Variants in XKR4 observed in about 807,000 individuals in gnomAD.
The protein encoded by XKR4 is XK-related protein 4.
A neutral mutation model predicts 53.9 loss-of-function variants in XKR4; 12 were observed. That is an observed-to-expected ratio of 0.22 (90% CI 0.14 to 0.36). The LOEUF (loss-of-function observed/expected upper bound fraction) is 0.36, where lower values mean the gene tolerates loss of function less well. Ranked by LOEUF, XKR4 falls within the 10% of genes least tolerant of loss-of-function variation. The pLI is 1.00. For synonymous variants in XKR4, 354 were observed against 362.4 expected (o/e 0.98, Z 0.26); for missense variants, 799 against 859.5 (o/e 0.93, Z 0.88).
At chr8:55,215,662 G>T (rs747331473) in intron 1 of XKR4, among the ~76,000 whole-genome samples, 1 of 151,940 alleles carries the variant, frequency 6.6e-6, no homozygotes, top group Admixed American at 6.6e-5. Context: ...TTTAATAATC[G>T]TCTTATTTGA....
At chr8:55,452,853 C>G in intron 2 of XKR4, 1 of 771,354 alleles carries the variant, frequency 1.3e-6, no homozygotes. Context: ...AAGCAGGCGG[C>G]TCTTGCTGCT....
At chr8:55,462,900 G>A (rs1208061190) in intron 2 of XKR4, among the ~76,000 whole-genome samples, 1 of 152,062 alleles carries the variant, frequency 6.6e-6, no homozygotes, top group Non-Finnish European at 1.5e-5. Context: ...AATGGTAAAG[G>A]GATCAATTCA....
chr8:55,248,752 A>G (rs1267048419), intron 1 of XKR4, among the ~76,000 whole-genome samples: 1 of 152,040 alleles, frequency 6.6e-6, no homozygotes, highest in Non-Finnish European at 1.5e-5. Context: ...TGTAAGTTAA[A>G]CTTTTTTTTT....
intron 1 of XKR4, among the ~76,000 whole-genome samples, chr8:55,313,544 G>C (rs938632493): frequency 6.6e-6 from 1 of 152,186 alleles, no homozygotes; most frequent in Non-Finnish European, 1.5e-5. Flanking sequence ...TGCTGAGAGA[G>C]AGAGCAGGGT....
chr8:55,104,211 C>G (rs1366427401), intron 1 of XKR4, among the ~76,000 whole-genome samples: 1 of 152,108 alleles, frequency 6.6e-6, no homozygotes, highest in Admixed American at 6.5e-5. Context: ...AAATAGTATG[C>G]TCAGGAATAC....
intron 2 of XKR4, among the ~76,000 whole-genome samples, chr8:55,402,323 C>T (rs1363645719): frequency 6.6e-6 from 1 of 152,188 alleles, no homozygotes; most frequent in Non-Finnish European, 1.5e-5. Flanking sequence ...GCCACCTTCA[C>T]CCATGCAGAC....
intron 2 of XKR4, among the ~76,000 whole-genome samples, chr8:55,478,680 G>A (rs1188177261): frequency 2.6e-5 from 4 of 152,048 alleles, no homozygotes; most frequent in African/African-American, 9.7e-5. Flanking sequence ...ACACACATAG[G>A]CTCAAAATAA....
intron 2 of XKR4, among the ~76,000 whole-genome samples, chr8:55,446,820 A>G (rs1805354518): frequency 6.6e-6 from 1 of 152,222 alleles, no homozygotes; most frequent in Non-Finnish European, 1.5e-5. Flanking sequence ...CAGTTATCCA[A>G]GGAAATAGCC....
At chr8:55,487,221 C>T (rs947181467) in intron 2 of XKR4, among the ~76,000 whole-genome samples, 7 of 152,170 alleles carry the variant, frequency 4.6e-5, no homozygotes, top group African/African-American at 7.2e-5. Flanking sequence ...GTCTGAAGGC[C>T]AGTGAGCCTG....
In XKR4 at chr8:55,364,453, C is replaced by T. The variant is rs747199794; in HGVS notation, c.1006+6576C>T. ...TCTGTAGCGTGTTCTCCCCGATGCC[C>T]CTCAGGACACTGAATATTCATGCCA... On this transcript the variant is annotated intron_variant, in intron 2 of 2. Transcript: ENST00000327381. 1.3e-4 allele frequency among the ~76,000 whole-genome samples: 20 copies of T among 152,292 alleles called. 1 individual carries two copies. Among genetic ancestry groups the T allele is most frequent in the Non-Finnish European group, 2.8e-4 (19 of 68,024 alleles).
intron 2 of XKR4, among the ~76,000 whole-genome samples, chr8:55,494,747 TG>T (rs775874132): frequency 3.9e-5 from 6 of 152,182 alleles, no homozygotes; most frequent in South Asian, 4.1e-4. Flanking sequence ...TCTTTGAGTC[TG>T]GCTGAGTCTG....
At chr8:55,374,250 C>A (rs925203323) in intron 2 of XKR4, among the ~76,000 whole-genome samples, 1 of 152,190 alleles carries the variant, frequency 6.6e-6, no homozygotes, top group Admixed American at 6.5e-5. Flanking sequence ...CCATGGCAGG[C>A]GCTGACTTGA....
At chr8:55,352,191 T>G (rs988438846) in intron 1 of XKR4, among the ~76,000 whole-genome samples, 2 of 151,992 alleles carry the variant, frequency 1.3e-5, no homozygotes, top group Admixed American at 6.6e-5. Flanking sequence ...TTTACCCGGG[T>G]GGGGAGAGAG....
At chr8:55,437,051 A>G (rs1049320963) in intron 2 of XKR4, among the ~76,000 whole-genome samples, 1 of 152,234 alleles carries the variant, frequency 6.6e-6, no homozygotes, top group East Asian at 1.9e-4. Context: ...CAGAGATTGA[A>G]TATGTGTTCT....
At chr8:55,439,812 C>T (rs1189129231) in intron 2 of XKR4, among the ~76,000 whole-genome samples, 3 of 152,076 alleles carry the variant, frequency 2.0e-5, no homozygotes, top group African/African-American at 4.8e-5. Context: ...GAAGAGGTAA[C>T]AGCTAAGAAT....
intron 1 of XKR4, among the ~76,000 whole-genome samples, chr8:55,252,712 G>A (rs963598632): frequency 6.6e-6 from 1 of 152,206 alleles, no homozygotes. Context: ...GTTTATGCCA[G>A]AAGGTGTGTA....
chr8:55,270,054 G>A (rs1818664477), intron 1 of XKR4, among the ~76,000 whole-genome samples: 1 of 152,176 alleles, frequency 6.6e-6, no homozygotes, highest in African/African-American at 2.4e-5. Flanking sequence ...TGTGAATTAA[G>A]CATCCTCACT....
chr8:55,156,513 G>A (rs1816908899), intron 1 of XKR4, among the ~76,000 whole-genome samples: 1 of 151,996 alleles, frequency 6.6e-6, no homozygotes, highest in Non-Finnish European at 1.5e-5. Flanking sequence ...AGTTCATTCT[G>A]TAACTGTGTC....
At chr8:55,219,875 T>C (rs1817857427) in intron 1 of XKR4, among the ~76,000 whole-genome samples, 1 of 152,184 alleles carries the variant, frequency 6.6e-6, no homozygotes. Flanking sequence ...TGGAAATTTC[T>C]CCTATGCATT....
Sources: allele counts gnomAD v4.1 joint callset (sites outside exome capture counted in the v4.1 genomes callset), GRCh38; gene constraint gnomAD v4.1.1; transcripts MANE v1.5; gene names NCBI Gene and HGNC (gene_info 2026-07-23, HGNC 2026-07-21).